HDAC4: variants seen among roughly 807,000 people sequenced by gnomAD.
The protein encoded by HDAC4 is histone deacetylase 4.
Under a neutral mutation model 135.1 loss-of-function variants are expected in HDAC4, and 16 were observed. The observed-to-expected ratio is 0.12, with a 90% CI of 0.08 to 0.18. The LOEUF is 0.18. Ranked by LOEUF, HDAC4 falls within the 10% of genes least tolerant of loss-of-function variation. The probability of loss-of-function intolerance (pLI) is 1.00; values close to 1 mark genes in which losing one functional copy is unlikely to be tolerated. For missense variants in HDAC4, 1,143 were observed against 1,511.8 expected, an observed-to-expected ratio of 0.76 and a Z score of 4.05; for synonymous variants, 685 against 653.4, an observed-to-expected ratio of 1.05 and a Z score of -0.74.
chr2:239,221,359 A>G (rs1428814847), intron 3 of HDAC4, among the ~76,000 whole-genome samples: 1 of 152,134 alleles, frequency 6.6e-6, no homozygotes, highest in Non-Finnish European at 1.5e-5. Context: ...CTCTGGAAAA[A>G]AAAATCACAG....
chr2:239,102,702 G>A, intron 16 of HDAC4, 74 bp downstream of exon 16: 1 of 1,566,730 alleles, frequency 6.4e-7, no homozygotes. Context: ...CCAGACACAA[G>A]GGGTTGAGAG....
At chr2:239,074,581 G>A (rs1382457398) in intron 22 of HDAC4, among the ~76,000 whole-genome samples, 4 of 152,242 alleles carry the variant, frequency 2.6e-5, no homozygotes, top group African/African-American at 4.8e-5. Context: ...GGGCACAGTC[G>A]GATGCACGTG....
intron 2 of HDAC4, among the ~76,000 whole-genome samples, chr2:239,338,716 G>A (rs1471969116): frequency 1.3e-5 from 2 of 152,218 alleles, no homozygotes; most frequent in Non-Finnish European, 2.9e-5. Context: ...CAGACTGAGA[G>A]GACCACAGTA....
intron 12 of HDAC4, among the ~76,000 whole-genome samples, chr2:239,122,132 G>A (rs116906067): frequency 7.9e-5 from 12 of 152,258 alleles, no homozygotes; most frequent in Admixed American, 4.6e-4. Flanking sequence ...GGACACACTC[G>A]TAATTAGACC....
chr2:239,397,221 G>C (rs548726958), intron 1 of HDAC4, among the ~76,000 whole-genome samples: 117 of 152,356 alleles, frequency 7.7e-4, no homozygotes, highest in African/African-American at 2.7e-3. Flanking sequence ...GCACGGAGAG[G>C]AACTGGCCTT....
chr2:239,196,923 C>G (rs992581247), intron 3 of HDAC4, among the ~76,000 whole-genome samples: 3 of 152,162 alleles, frequency 2.0e-5, no homozygotes, highest in Non-Finnish European at 4.4e-5. Flanking sequence ...CTGGTGAGGC[C>G]GGCCCAGACG....
chr2:239,342,338 C>A (rs1692345851), intron 2 of HDAC4, among the ~76,000 whole-genome samples: 1 of 151,694 alleles, frequency 6.6e-6, no homozygotes, highest in Non-Finnish European at 1.5e-5. Flanking sequence ...ACTCAAAGAG[C>A]TAATTTGAAC....
rs7566731 is a variant in HDAC4 at position 239,245,795 on chromosome 2, C to G, written c.23-9131G>C. ...CCCACCTTCTATTCAATATGTCTTT[C>G]CTGAGCATCTGCTGGGTGATCTACC... On this transcript the variant is annotated intron_variant, in intron 2 of 26. Coordinates refer to ENST00000543185, the MANE Select transcript of HDAC4 (RefSeq NM_001378414.1). The surrounding 1 kb of genome is among the most constrained non-coding windows in gnomAD (Gnocchi z 4.4). Among the ~76,000 whole-genome samples the G allele has an allele frequency of 0.28, 42,116 of 152,034 alleles. 6,251 individuals are homozygous for G. Among genetic ancestry groups the G allele is most frequent in the East Asian group, 0.4 (2,048 of 5,138 alleles).
At chr2:239,212,627 G>A (rs1559233534) in intron 3 of HDAC4, among the ~76,000 whole-genome samples, 1 of 152,192 alleles carries the variant, frequency 6.6e-6, no homozygotes, top group Non-Finnish European at 1.5e-5. Context: ...AATTCCCCAG[G>A]CTTGGTGCTA....
chr2:239,068,547 G>T lies in HDAC4; in HGVS notation c.2811C>A (p.Gly937=). 1 of 1,614,054 alleles carries T rather than the reference G, an allele frequency of 6.2e-7. No individual in the cohort carries two copies. The highest frequency in any genetic ancestry group is 8.5e-7 in the Non-Finnish European group (1 of 1,180,024). ...FAPDVVLVSS[G]FDAVEGHPTP... ...TGGGGTGGCCCTCCACGGCATCGAAGCCTGATGACACCAGCACCACATCCG... is the reference window on the plus strand; with the variant it reads ...TGGGGTGGCCCTCCACGGCATCGAATCCTGATGACACCAGCACCACATCCG... The change falls in exon 23 of 27, where the codon GGC becomes GGA. Residue 937 remains glycine (G), a synonymous_variant. Transcript: ENST00000543185. This position sits in a 1 kb window ranked among gnomAD's most constrained non-coding sequence, Gnocchi z 4.4.
chr2:239,333,542 AAAG>A (rs1691724430), intron 2 of HDAC4, among the ~76,000 whole-genome samples: 1 of 152,214 alleles, frequency 6.6e-6, no homozygotes, highest in Non-Finnish European at 1.5e-5. Flanking sequence ...CAGTATATAA[AAAG>A]AATAACACAT....
rs188293311 is a variant in HDAC4 at position 239,148,557 on chromosome 2, C to A, written c.734-3843G>T. 6.9e-4 allele frequency among the ~76,000 whole-genome samples: 105 copies of A among 152,296 alleles called. 1 individual carries two copies. The highest frequency in any genetic ancestry group is 2.5e-3 in the African/African-American group (104 of 41,564). On this transcript the variant is annotated intron_variant, in intron 7 of 26. Coordinates refer to ENST00000543185, the MANE Select transcript of HDAC4 (RefSeq NM_001378414.1). Reference sequence around the variant, plus strand: ...GTTTTGTACTTGGCAACAGCCACATCGAGGGCAAGACGATGACCTGAAAAC... The same window carrying A: ...GTTTTGTACTTGGCAACAGCCACATAGAGGGCAAGACGATGACCTGAAAAC...
At chr2:239,191,050 G>A (rs538160874) in intron 3 of HDAC4, 4 of 457,904 alleles carry the variant, frequency 8.7e-6, no homozygotes, top group African/African-American at 4.0e-5. Context: ...CGACTCTGCC[G>A]AAAACTTCAC....
At chr2:239,142,260 G>A (rs941139690) in intron 8 of HDAC4, among the ~76,000 whole-genome samples, 5 of 152,108 alleles carry the variant, frequency 3.3e-5, no homozygotes, top group African/African-American at 9.7e-5. Flanking sequence ...CAAGAACCGC[G>A]ACTGCCTCCA....
chr2:239,083,216 C>T (rs1258508078), intron 20 of HDAC4, among the ~76,000 whole-genome samples: 6 of 152,238 alleles, frequency 3.9e-5, no homozygotes, highest in African/African-American at 9.6e-5. Flanking sequence ...AGCCTGTCTG[C>T]GTGTCCTAGC....
intron 18 of HDAC4, among the ~76,000 whole-genome samples, 197 bp from the exon 19 acceptor site, chr2:239,087,811 T>C (rs910864589): frequency 5.3e-5 from 8 of 152,116 alleles, no homozygotes; most frequent in Non-Finnish European, 1.0e-4. Context: ...GCCCTTCTCC[T>C]AAAGAGGTCT....
Position 239,189,985 on chromosome 2 carries a change from C to G in HDAC4, c.187G>C (p.Glu63Gln), listed in dbSNP as rs1306414292. The change falls in exon 4 of 27, where the codon GAG becomes CAG. Residue 63 changes from glutamate (E) to glutamine (Q), a missense_variant. Glu to Gln is a conservative substitution (Grantham distance 29). Around this residue, in one of 9 missense-constraint regions of HDAC4, gnomAD observed 247 missense variants for 310.0 expected, o/e 0.80. Coordinates refer to ENST00000543185, the MANE Select transcript of HDAC4 (RefSeq NM_001378414.1). ...LDHQFSLPVAEPALREQQLQQ... is the reference protein window; with the variant it reads ...LDHQFSLPVAQPALREQQLQQ... ...AGCTGCTGCTCCCGCAGGGCCGGCT[C>G]TGCCACAGGCAGTGAGAACTGGTGG... The G allele has an allele frequency of 1.2e-6, 2 of 1,607,112 alleles. No homozygotes were observed. The highest frequency in any genetic ancestry group is 1.3e-5 in the African/African-American group (1 of 74,864).
chr2:239,398,822 C>CTTA lies in HDAC4; in HGVS notation c.-220+2153_-220+2155dup, dbSNP rs774096570. Among the ~76,000 whole-genome samples, 4 of 152,370 alleles carry CTTA rather than the reference C, an allele frequency of 2.6e-5. No individual in the cohort carries two copies. The East Asian group carries it at 7.7e-4, about 29-fold the overall frequency. ...AGTCATCTTCCCTCCACCCCGTCCC[C>CTTA]TTAGCCCAGGGCTCCCCCGGGGGCA... On this transcript the variant is annotated intron_variant, in intron 1 of 26. Coordinates refer to ENST00000543185, the MANE Select transcript of HDAC4 (RefSeq NM_001378414.1).
intron 7 of HDAC4, among the ~76,000 whole-genome samples, chr2:239,148,744 G>A (rs2041920208): frequency 6.6e-6 from 1 of 152,224 alleles, no homozygotes; most frequent in African/African-American, 2.4e-5. Context: ...GCAGAAAGGA[G>A]GCCACGGAGC....
Sources: gnomAD v4.1 joint callset for allele counts (sites outside exome capture counted in the v4.1 genomes callset) on GRCh38, gnomAD v4.1.1 for gene constraint, gnomAD v4.1.1 regional missense constraint, Gnocchi (gnomAD v3.1) non-coding constraint, MANE v1.5 for transcripts, NCBI Gene and HGNC (gene_info 2026-07-23, HGNC 2026-07-21) for gene names.